Variants in CCSAP observed in about 807,000 individuals in gnomAD.
CCSAP encodes the protein centriole, cilia and spindle-associated protein.
CCSAP carries 17 observed loss-of-function variants against 25.9 expected under a neutral mutation model. The observed-to-expected ratio is 0.66, with a 90% CI of 0.45 to 0.99. The LOEUF is 0.99. Ranked by LOEUF, CCSAP falls within the 50% of genes least tolerant of loss-of-function variation. The pLI is 0.00. For synonymous variants in CCSAP, 169 were observed against 157.1 expected, an observed-to-expected ratio of 1.08 and a Z score of -0.57; for missense variants, 339 against 367.8, an observed-to-expected ratio of 0.92 and a Z score of 0.64.
chr1:229,325,383 T>C lies in CCSAP; in HGVS notation c.665A>G (p.Asn222Ser). 6.2e-7 allele frequency: 1 copy of C among 1,613,940 alleles called. No homozygotes were observed. Among genetic ancestry groups the C allele is most frequent in the Non-Finnish European group, 8.5e-7 (1 of 1,179,972 alleles). ...EIHESALRAK[N>S]RRQVEKRKLV... ...TTTCCTTTTTTCCACCTGTCTTCTG[T>C]TCTTGGCTCGTAATGCTGATTCATG... The change falls in exon 4 of 4, where the codon AAC (asparagine) becomes AGC (serine). Residue 222 changes from asparagine (N) to serine (S), a missense_variant. Physicochemically the swap from Asn to Ser is conservative, Grantham distance 46. Transcript: ENST00000284617.
At chr1:229,336,935 G>A (rs1037866331) in intron 2 of CCSAP, among the ~76,000 whole-genome samples, 3 of 151,772 alleles carry the variant, frequency 2.0e-5, no homozygotes, top group Non-Finnish European at 4.4e-5. Flanking sequence ...TAGAAATGTT[G>A]GGAAATAACA....
Position 229,342,178 on chromosome 1 carries a change from C to T in CCSAP, c.288G>A (p.Arg96=). ...CCTGCTCCTCCGGGGCCCCGCGCGC[C>T]CGCCGTTCCGCCTCCTCCTGGGTCG... ...EPATQEEAER[R]ARGAPEEQDA... Residue 96 remains arginine (R), a synonymous_variant, in exon 2 of 4, where the codon CGG becomes CGA. Transcript: ENST00000284617. The surrounding 1 kb of genome is among the most constrained non-coding windows in gnomAD (Gnocchi z 7.5). 1.6e-6 allele frequency: 2 copies of T among 1,288,504 alleles called. No individual in the cohort carries two copies. Among genetic ancestry groups the T allele is most frequent in the Non-Finnish European group, 2.0e-6 (2 of 1,019,204 alleles). The allele number at this position is 1,288,504 out of a possible 1,614,324, so 79.8% of individuals were successfully genotyped here. A position where few individuals can be genotyped will look rare whatever the true frequency, so the allele number is the denominator to read the frequency against.
chr1:229,326,343 G>A (rs904703337), intron 3 of CCSAP, among the ~76,000 whole-genome samples: 8 of 152,206 alleles, frequency 5.3e-5, no homozygotes, highest in Admixed American at 4.6e-4. Flanking sequence ...CCAGGTTATC[G>A]AAGCTGAAGG....
At position 229,324,909 on chromosome 1, in the gene CCSAP, C is replaced by A; in HGVS notation, c.*326G>T. On this transcript the variant is annotated 3_prime_UTR_variant, in exon 4 of 4. Coordinates refer to ENST00000284617, the MANE Select transcript of CCSAP (RefSeq NM_145257.5). ...TATGAAAAGAATACTGAACTGTAAG[C>A]ATCTGTTGCCATTTAAAGGCATTTG... 4.8e-6 allele frequency: 1 copy of A among 208,716 alleles called. No individual in the cohort carries two copies. The highest frequency in any genetic ancestry group is 9.7e-6 in the Non-Finnish European group (1 of 102,566). 12.9% of individuals were successfully genotyped at this position (208,716 alleles called of 1,614,324 possible). A position where few individuals can be genotyped will look rare whatever the true frequency, so the allele number is the denominator to read the frequency against.
chr1:229,334,118 T>G (rs1372857868), intron 2 of CCSAP, among the ~76,000 whole-genome samples: 3 of 152,280 alleles, frequency 2.0e-5, no homozygotes, highest in African/African-American at 7.2e-5. Context: ...TCACCCAGGC[T>G]GGAGTGCAAT....
At chr1:229,339,674 CAGAA>C (rs1397088678) in intron 2 of CCSAP, among the ~76,000 whole-genome samples, 1 of 152,166 alleles carries the variant, frequency 6.6e-6, no homozygotes, top group Non-Finnish European at 1.5e-5. Flanking sequence ...CCAGCCCAGA[CAGAA>C]GTAGGTCAGG....
rs1039798765 is a variant in CCSAP at position 229,323,248 on chromosome 1, C to T, written c.*1987G>A. 3 of 152,210 alleles carry T rather than the reference C, an allele frequency of 2.0e-5. No homozygotes were observed. In the South Asian group the frequency reaches 6.2e-4, roughly 32 times the overall value. 9.4% of individuals were successfully genotyped at this position (152,210 alleles called of 1,614,324 possible). On this transcript the variant is annotated 3_prime_UTR_variant, in exon 4 of 4. Coordinates refer to ENST00000284617, the MANE Select transcript of CCSAP (RefSeq NM_145257.5). Reference sequence around the variant, plus strand: ...CCAATATTTGCCTTCTACATTATATCTCTGTCTGGAGTTTTAAGTAGTAAG... The same window carrying T: ...CCAATATTTGCCTTCTACATTATATTTCTGTCTGGAGTTTTAAGTAGTAAG...
intron 2 of CCSAP, among the ~76,000 whole-genome samples, chr1:229,329,711 C>G (rs1389065440): frequency 1.3e-5 from 2 of 152,160 alleles, no homozygotes; most frequent in Admixed American, 6.5e-5. Context: ...GCCCCTCCAG[C>G]CAGGTACGGT....
At position 229,321,434 on chromosome 1, in the gene CCSAP, A is replaced by T. The variant is rs1040496029; in HGVS notation, c.*3801T>A. On this transcript the variant is annotated 3_prime_UTR_variant, in exon 4 of 4. Transcript: ENST00000284617. ...GATATTAAGCACACACTTGCACTGA[A>T]TAACTCCATATCCACCCTATAGTAC... The T allele has an allele frequency of 6.6e-6, 1 of 152,246 alleles. No homozygotes were observed. The highest frequency in any genetic ancestry group is 2.4e-5 in the African/African-American group (1 of 41,454). The allele number at this position is 152,246 out of a possible 1,614,324, so 9.4% of individuals were successfully genotyped here. A position where few individuals can be genotyped will look rare whatever the true frequency, so the allele number is the denominator to read the frequency against.
chr1:229,330,376 C>A (rs1393983289), intron 2 of CCSAP, among the ~76,000 whole-genome samples: 1 of 152,172 alleles, frequency 6.6e-6, no homozygotes, highest in East Asian at 1.9e-4. Flanking sequence ...TGGTGTGGAC[C>A]AAGTCACCCA....
chr1:229,341,055 G>A (rs1354847072), intron 2 of CCSAP, among the ~76,000 whole-genome samples: 2 of 152,068 alleles, frequency 1.3e-5, no homozygotes, highest in Admixed American at 6.5e-5. Context: ...TTAGCCGGGC[G>A]TGGTGGCGCG....
Position 229,321,195 on chromosome 1 carries a change from CTT to C in CCSAP, c.*4038_*4039del, listed in dbSNP as rs781035696. On this transcript the variant is annotated 3_prime_UTR_variant, in exon 4 of 4. Transcript: ENST00000284617. ...AAGTGAATGCAGTGCTCAAAACAAACTTACGATAGCACAGGGAAACCTTCCCT... is the reference window on the plus strand; with the variant it reads ...AAGTGAATGCAGTGCTCAAAACAAACACGATAGCACAGGGAAACCTTCCCT... The C allele has an allele frequency of 7.2e-5, 11 of 152,200 alleles. No homozygotes were observed. Among genetic ancestry groups the C allele is most frequent in the Non-Finnish European group, 1.0e-4 (7 of 68,036 alleles). The allele number at this position is 152,200 out of a possible 1,614,324, so 9.4% of individuals were successfully genotyped here.
intron 2 of CCSAP, among the ~76,000 whole-genome samples, chr1:229,337,776 A>C (rs1301652924): frequency 1.4e-5 from 2 of 147,392 alleles, no homozygotes; most frequent in Non-Finnish European, 3.0e-5. Flanking sequence ...AGATGAATAG[A>C]ATACCTAATA....
At chr1:229,332,741 A>G (rs1347650064) in intron 2 of CCSAP, among the ~76,000 whole-genome samples, 1 of 152,206 alleles carries the variant, frequency 6.6e-6, no homozygotes. Flanking sequence ...AGTAAATAAA[A>G]TTAAAGATTC....
chr1:229,332,782 A>G (rs746387827), intron 2 of CCSAP, among the ~76,000 whole-genome samples: 19 of 152,244 alleles, frequency 1.2e-4, no homozygotes, highest in Non-Finnish European at 2.4e-4. Context: ...TTATCGTTCA[A>G]GTGCTCAATA....
chr1:229,339,064 C>T (rs1330290115), intron 2 of CCSAP, among the ~76,000 whole-genome samples: 1 of 134,144 alleles, frequency 7.5e-6, no homozygotes, highest in Non-Finnish European at 1.6e-5. Flanking sequence ...GTCTAATATC[C>T]AACTAAGGAC....
chr1:229,328,483 T>A lies in CCSAP; in HGVS notation c.368-1477A>T, dbSNP rs1457984552. Among the ~76,000 whole-genome samples the A allele has an allele frequency of 1.1e-4, 16 of 152,010 alleles. No individual in the cohort carries two copies. In the East Asian group the frequency reaches 3.1e-3, roughly 29 times the overall value. ...GCCCAGGCAATTTACAAAAAAATTT[T>A]TTTTGTAGAGATGGGTTCTTGCTAT... On this transcript the variant is annotated intron_variant, in intron 2 of 3. Transcript: ENST00000284617.
chr1:229,339,588 G>A (rs1658282417), intron 2 of CCSAP, among the ~76,000 whole-genome samples: 1 of 152,100 alleles, frequency 6.6e-6, no homozygotes, highest in Non-Finnish European at 1.5e-5. Flanking sequence ...CAAGAGAGAA[G>A]CCAAGAAAGG....
chr1:229,327,055 T>C (rs1171327231), intron 2 of CCSAP, 49 bp from the exon 3 acceptor site: 1 of 1,423,754 alleles, frequency 7.0e-7, no homozygotes, highest in East Asian at 2.5e-5. Flanking sequence ...ATCAGATTTA[T>C]ATATAATTAA....
Sources: allele counts gnomAD v4.1 joint callset (sites outside exome capture counted in the v4.1 genomes callset), GRCh38; gene constraint gnomAD v4.1.1; non-coding constraint Gnocchi (gnomAD v3.1); transcripts MANE v1.5; gene names NCBI Gene and HGNC (gene_info 2026-07-23, HGNC 2026-07-21).